Variants in TRPS1 observed in about 807,000 individuals in gnomAD.
TRPS1 encodes the protein transcriptional repressor GATA binding 1.
A neutral mutation model predicts 101.2 loss-of-function variants in TRPS1; 6 were observed. The observed-to-expected ratio is 0.06, with a 90% CI of 0.03 to 0.12. The LOEUF (loss-of-function observed/expected upper bound fraction) is 0.12, where lower values mean the gene tolerates loss of function less well. Ranked by LOEUF, TRPS1 falls within the 10% of genes least tolerant of loss-of-function variation. The probability of loss-of-function intolerance (pLI) is 1.00; values close to 1 mark genes in which losing one functional copy is unlikely to be tolerated. For missense variants in TRPS1, 1,363 were observed against 1,567.0 expected (o/e 0.87, Z 2.20); for synonymous variants, 578 against 589.8 (o/e 0.98, Z 0.29).
intron 5 of TRPS1, among the ~76,000 whole-genome samples, chr8:115,446,262 T>G (rs1447225166): frequency 6.6e-6 from 1 of 151,924 alleles, no homozygotes; most frequent in Non-Finnish European, 1.5e-5. Flanking sequence ...AGGAATGTGC[T>G]GTGTATGTAT....
At chr8:115,611,381 C>T (rs1050943627) in intron 3 of TRPS1, among the ~76,000 whole-genome samples, 1 of 152,142 alleles carries the variant, frequency 6.6e-6, no homozygotes, top group Non-Finnish European at 1.5e-5. Context: ...GGGAAGGTTG[C>T]TGTTTTAACA....
At chr8:115,655,780 C>A (rs1811663633) in intron 1 of TRPS1, among the ~76,000 whole-genome samples, 2 of 152,126 alleles carry the variant, frequency 1.3e-5, no homozygotes, top group African/African-American at 4.8e-5. Context: ...AATCTAAAAA[C>A]ATCATCCTGC....
intron 1 of TRPS1, among the ~76,000 whole-genome samples, chr8:115,637,920 C>T (rs755297085): frequency 7.2e-5 from 11 of 152,152 alleles, no homozygotes; most frequent in Admixed American, 1.3e-4. Flanking sequence ...TATCCTGATC[C>T]ATTATAATTC....
At chr8:115,462,726 T>C (rs1814218235) in intron 5 of TRPS1, among the ~76,000 whole-genome samples, 1 of 150,246 alleles carries the variant, frequency 6.7e-6, no homozygotes, top group South Asian at 2.1e-4. Flanking sequence ...TTCTAATCAC[T>C]AGGGCTCTGT....
chr8:115,453,823 G>T, intron 5 of TRPS1, among the ~76,000 whole-genome samples: 1 of 152,208 alleles, frequency 6.6e-6, no homozygotes, highest in East Asian at 1.9e-4. Flanking sequence ...TGTTGACACA[G>T]ATAAAATTTT....
chr8:115,455,776 T>TTTCTTTC (rs549640765), intron 5 of TRPS1, among the ~76,000 whole-genome samples: 2 of 109,222 alleles, frequency 1.8e-5, no homozygotes, highest in African/African-American at 1.1e-4. Flanking sequence ...TCTTTCTTTC[T>TTTCTTTC]TTTTTTTTTT....
chr8:115,575,684 T>G (rs1217710669), intron 5 of TRPS1, among the ~76,000 whole-genome samples: 1 of 152,036 alleles, frequency 6.6e-6, no homozygotes, highest in East Asian at 1.9e-4. Flanking sequence ...AAGTAGAAAT[T>G]TGGTCACTTT....
Position 115,414,147 on chromosome 8 carries a change from C to G in TRPS1, c.3761G>C (p.Gly1254Ala). 2.5e-6 allele frequency: 4 copies of G among 1,614,000 alleles called. No homozygotes were observed. Among genetic ancestry groups the G allele is most frequent in the Non-Finnish European group, 3.4e-6 (4 of 1,179,938 alleles). The change falls in exon 7 of 7, where the codon GGA (glycine) becomes GCA (alanine). Residue 1254 changes from glycine to alanine, a missense_variant. Around this residue, in one of 5 missense-constraint regions of TRPS1, gnomAD observed 307 missense variants for 392.4 expected, o/e 0.78. Coordinates refer to ENST00000395715, the MANE Select transcript of TRPS1 (RefSeq NM_014112.5). This position sits in a 1 kb window ranked among gnomAD's most constrained non-coding sequence, Gnocchi z 4.8. ...CTGGCATATGCTGCACTGGAAAGGTCCACTGTCACCATGGCAACTCATATG... is the reference window on the plus strand; with the variant it reads ...CTGGCATATGCTGCACTGGAAAGGTGCACTGTCACCATGGCAACTCATATG... ...ALHMSCHGDS[G>A]PFQCSICQHL...
Position 115,408,805 on chromosome 8 carries a change from C to G in TRPS1, c.*5218G>C, listed in dbSNP as rs1178087385. 6.6e-6 allele frequency: 1 copy of G among 152,146 alleles called. No individual in the cohort carries two copies. The highest frequency in any genetic ancestry group is 1.5e-5 in the Non-Finnish European group (1 of 67,866). The allele number at this position is 152,146 out of a possible 1,614,324, so 9.4% of individuals were successfully genotyped here. On this transcript the variant is annotated 3_prime_UTR_variant, in exon 7 of 7. Transcript: ENST00000395715. ...TGCTGTAAGTTAAATTTTACATTGG[C>G]ATTTTGAGATGTTCCCCCCTCATGC...
rs548670208 is a variant in TRPS1, at chr8:115,647,503, G to C, written c.-122+21042C>G. On this transcript the variant is annotated intron_variant, in intron 1 of 6. Coordinates refer to ENST00000395715, the MANE Select transcript of TRPS1 (RefSeq NM_014112.5). ...TATATAGCCTTAGTCACTCCAAAAG[G>C]CTTCATGTGCTTTTGAAACTATTAC... 2.6e-5 allele frequency among the ~76,000 whole-genome samples: 4 copies of C among 152,124 alleles called. No individual in the cohort carries two copies. The South Asian group carries it at 8.3e-4, about 32-fold the overall frequency.
chr8:115,479,586 G>A (rs1046384792), intron 5 of TRPS1, among the ~76,000 whole-genome samples: 1 of 152,076 alleles, frequency 6.6e-6, no homozygotes, highest in Non-Finnish European at 1.5e-5. Context: ...AATTTCTTAA[G>A]GCATTTGGGT....
chr8:115,588,670 G>T (rs564239410), intron 4 of TRPS1, among the ~76,000 whole-genome samples: 2 of 152,142 alleles, frequency 1.3e-5, no homozygotes, highest in Non-Finnish European at 2.9e-5. Context: ...TAAAAACTGT[G>T]TATGGCTGTC....
chr8:115,433,953 G>A (rs1352883741), intron 5 of TRPS1, among the ~76,000 whole-genome samples: 3 of 145,692 alleles, frequency 2.1e-5, no homozygotes, highest in Non-Finnish European at 3.0e-5. Flanking sequence ...GCTCAGGGCA[G>A]CTGTTTAAAG....
chr8:115,550,808 G>T (rs374467220), intron 5 of TRPS1, among the ~76,000 whole-genome samples: 3 of 152,160 alleles, frequency 2.0e-5, no homozygotes, highest in African/African-American at 7.2e-5. Flanking sequence ...CTTTTATTGA[G>T]CTCCAACCAC....
intron 5 of TRPS1, among the ~76,000 whole-genome samples, chr8:115,437,202 T>C (rs1397115512): frequency 1.3e-5 from 2 of 152,194 alleles, no homozygotes; most frequent in East Asian, 3.9e-4. Context: ...AGCCACACTA[T>C]GAGGAAGTAG....
chr8:115,419,373 GA>G (rs562810789), intron 5 of TRPS1, among the ~76,000 whole-genome samples: 29 of 140,356 alleles, frequency 2.1e-4, no homozygotes, highest in Middle Eastern at 3.6e-3. Context: ...TTCTCTTGCT[GA>G]AAAAAAAAAA....
rs1283703694 is a variant in TRPS1, at chr8:115,418,534, C to T, written c.2701-82G>A. 1.3e-6 allele frequency: 2 copies of T among 1,595,730 alleles called. No homozygotes were observed. Among genetic ancestry groups the T allele is most frequent in the Non-Finnish European group, 1.7e-6 (2 of 1,164,532 alleles). ...GACCAAATCAACCCAGGAGTTTTGT[C>T]TTTAAACTAGCAACAATGACAGTAT... On this transcript the variant is annotated intron_variant, in intron 5 of 6. Transcript: ENST00000395715. This position sits in a 1 kb window ranked among gnomAD's most constrained non-coding sequence, Gnocchi z 4.3.
chr8:115,484,718 T>C (rs768677998), intron 5 of TRPS1, among the ~76,000 whole-genome samples: 24 of 152,146 alleles, frequency 1.6e-4, no homozygotes, highest in Non-Finnish European at 2.8e-4. Context: ...ACAGTAGGGG[T>C]AAGATGCCAT....
chr8:115,621,549 G>A (rs908348529), intron 2 of TRPS1, among the ~76,000 whole-genome samples: 1 of 152,156 alleles, frequency 6.6e-6, no homozygotes, highest in East Asian at 1.9e-4. Context: ...GTGCACTAGA[G>A]TATAAGGAAT....
Sources: gnomAD v4.1 joint callset for allele counts (sites outside exome capture counted in the v4.1 genomes callset) on GRCh38, gnomAD v4.1.1 for gene constraint, gnomAD v4.1.1 regional missense constraint, Gnocchi (gnomAD v3.1) non-coding constraint, MANE v1.5 for transcripts, NCBI Gene and HGNC (gene_info 2026-07-23, HGNC 2026-07-21) for gene names.